The following VWA5B1 variants were observed in gnomAD, a reference collection of about 807,000 sequenced individuals.
The protein encoded by VWA5B1 is von Willebrand factor A domain-containing protein 5B1.
VWA5B1 carries 115 observed loss-of-function variants against 118.2 expected under a neutral mutation model. The observed-to-expected ratio is 0.97, with a 90% CI of 0.84 to 1.14. VWA5B1 has a LOEUF of 1.14. Ranked by LOEUF, VWA5B1 falls within the 50% of genes most tolerant of loss-of-function variation. The pLI is 0.00. For synonymous variants in VWA5B1, 682 were observed against 658.4 expected (o/e 1.04, Z -0.55); for missense variants, 1,596 against 1,603.8 (o/e 1.00, Z 0.08).
Position 20,314,476 on chromosome 1 carries a change from G to A in VWA5B1, c.447G>A (p.Ser149=), listed in dbSNP as rs114916291. Residue 149 remains serine (S), a synonymous_variant, in exon 4 of 22, where the codon TCG becomes TCA. Coordinates refer to ENST00000289815, the MANE Select transcript of VWA5B1 (RefSeq NM_001039500.3). Reference sequence around the variant, plus strand: ...TCACCATCTTCATCAGCACCTCCTCGGAGCTCCCAACGCTGCCCAGCGGGG... The same window carrying A: ...TCACCATCTTCATCAGCACCTCCTCAGAGCTCCCAACGCTGCCCAGCGGGG... ...ENVTIFISTS[S]ELPTLPSGAV... is the part of the protein sequence containing the mutation. 18,955 of 1,551,706 alleles carry A rather than the reference G, an allele frequency of 0.012. 197 individuals are homozygous for A. The highest frequency in any genetic ancestry group is 0.043 in the African/African-American group (3,150 of 73,134).
At chr1:20,334,362 A>T (rs1168266485) in intron 12 of VWA5B1, among the ~76,000 whole-genome samples, 2 of 152,158 alleles carry the variant, frequency 1.3e-5, no homozygotes, top group African/African-American at 4.8e-5. Context: ...ACTAGAAGGG[A>T]CTGGACGCAG....
At chr1:20,302,155 A>T (rs2088520032) in intron 1 of VWA5B1, among the ~76,000 whole-genome samples, 1 of 151,950 alleles carries the variant, frequency 6.6e-6, no homozygotes, top group African/African-American at 2.4e-5. Context: ...GGACATCTCA[A>T]CTGGCTGGAC....
chr1:20,319,089 T>TG (rs2089123669), intron 6 of VWA5B1, among the ~76,000 whole-genome samples: 1 of 152,216 alleles, frequency 6.6e-6, no homozygotes, highest in Non-Finnish European at 1.5e-5. Flanking sequence ...ATTCACAGAA[T>TG]GTCAGGACCT....
chr1:20,350,461 G>A (rs1419020596), intron 19 of VWA5B1, among the ~76,000 whole-genome samples: 1 of 152,162 alleles, frequency 6.6e-6, no homozygotes, highest in Admixed American at 6.5e-5. Context: ...GCTGGGCCTG[G>A]ATCAGGCCTC....
chr1:20,302,859 A>C (rs967105117), intron 1 of VWA5B1, among the ~76,000 whole-genome samples: 1 of 152,198 alleles, frequency 6.6e-6, no homozygotes, highest in Admixed American at 6.5e-5. Context: ...CGGTAGCAGA[A>C]GTCAGCCTTG....
Position 20,324,697 on chromosome 1 carries a change from G to A in VWA5B1, c.1143+1165G>A, listed in dbSNP as rs376921167. Among the ~76,000 whole-genome samples the A allele has an allele frequency of 1.3e-3, 204 of 152,236 alleles. 3 individuals are homozygous for A. In the South Asian group the frequency reaches 0.014, roughly 11 times the overall value. The stretch of plus-strand genomic sequence containing the variant: ...TTCCCAGAGCAAGCTCTTGTTTCCA[G>A]GGCAGCAAGCTCAGCAAGGAGAGGA... On this transcript the variant is annotated intron_variant, in intron 8 of 21. Transcript: ENST00000289815.
intron 1 of VWA5B1, chr1:20,302,965 TG>T: frequency 6.6e-6 from 1 of 152,214 alleles, no homozygotes; most frequent in Non-Finnish European, 1.5e-5. Flanking sequence ...CCGTGTTGGC[TG>T]GATATAGGCC....
intron 6 of VWA5B1, 117 bp from the exon 7 acceptor site, chr1:20,319,265 C>T (rs1452731490): frequency 7.0e-7 from 1 of 1,430,944 alleles, no homozygotes; most frequent in South Asian, 1.4e-5. Context: ...AGGGCTTCCA[C>T]CCCGCTTCCA....
chr1:20,300,323 G>T (rs2088481775), intron 1 of VWA5B1, among the ~76,000 whole-genome samples: 1 of 152,136 alleles, frequency 6.6e-6, no homozygotes, highest in African/African-American at 2.4e-5. Flanking sequence ...CCTGATGTGG[G>T]TTGTCTCTCA....
chr1:20,352,332 C>T (rs2090147369), intron 21 of VWA5B1, among the ~76,000 whole-genome samples, 160 bp downstream of exon 21: 1 of 152,248 alleles, frequency 6.6e-6, no homozygotes, highest in Non-Finnish European at 1.5e-5. Context: ...GAGCTTCCCA[C>T]CCAAGTAGTT....
At chr1:20,351,689 T>A (rs1362640616) in intron 20 of VWA5B1, among the ~76,000 whole-genome samples, 2 of 151,604 alleles carry the variant, frequency 1.3e-5, no homozygotes, top group African/African-American at 4.8e-5. Flanking sequence ...CAGACATGGG[T>A]GTGTGCCTGT....
rs775407884 is a variant in VWA5B1, at chr1:20,330,267, A to T, written c.1342A>T (p.Ile448Phe). 6.4e-7 allele frequency: 1 copy of T among 1,551,756 alleles called. No individual in the cohort carries two copies. The highest frequency in any genetic ancestry group is 8.7e-7 in the Non-Finnish European group (1 of 1,147,022). Residue 448 changes from isoleucine (I) to phenylalanine (F), a missense_variant, in exon 10 of 22, where the codon ATC (isoleucine) becomes TTC (phenylalanine). Physicochemically the swap from Ile to Phe is conservative, Grantham distance 21. Coordinates refer to ENST00000289815, the MANE Select transcript of VWA5B1 (RefSeq NM_001039500.3). ...TNILSPLKWV[I>F]RQPVHRGHPR... is the part of the protein sequence containing the mutation. Reference sequence around the variant, plus strand: ...CATCCTTTCCCCTCTCAAGTGGGTCATCAGGCAGCCAGTGCACCGAGGCCA... The same window carrying T: ...CATCCTTTCCCCTCTCAAGTGGGTCTTCAGGCAGCCAGTGCACCGAGGCCA...
chr1:20,302,103 G>A (rs144166131), intron 1 of VWA5B1, among the ~76,000 whole-genome samples: 17 of 152,168 alleles, frequency 1.1e-4, no homozygotes, highest in Admixed American at 7.8e-4. Flanking sequence ...CCCAGACACC[G>A]TGGTGGCTTG....
At chr1:20,293,295 A>ACTGGCTGG (rs67285359) in intron 1 of VWA5B1, among the ~76,000 whole-genome samples, 110,240 of 151,508 alleles carry the variant, frequency 0.73, 40,582 homozygotes, top group East Asian at 0.94. Flanking sequence ...ACCTTCACTG[A>ACTGGCTGG]CCTCTTGTTA....
chr1:20,328,375 G>A (rs757767420), intron 9 of VWA5B1, among the ~76,000 whole-genome samples: 6 of 152,160 alleles, frequency 3.9e-5, no homozygotes, highest in Non-Finnish European at 8.8e-5. Flanking sequence ...GGAAGCGGCT[G>A]ATAAGGAGTA....
chr1:20,325,115 G>A (rs1360693094), intron 8 of VWA5B1, among the ~76,000 whole-genome samples: 1 of 152,216 alleles, frequency 6.6e-6, no homozygotes, highest in Non-Finnish European at 1.5e-5. Flanking sequence ...AAGAGGCTAA[G>A]TGCTTTTCCC....
chr1:20,327,801 C>T (rs577793463), intron 8 of VWA5B1, 89 bp from the exon 9 acceptor site: 47 of 1,116,156 alleles, frequency 4.2e-5, no homozygotes, highest in East Asian at 2.8e-4. Context: ...GGAGGCTGCT[C>T]GTGTGCTGGG....
chr1:20,318,523 C>T, intron 5 of VWA5B1, 67 bp from the exon 6 acceptor site: 1 of 1,542,786 alleles, frequency 6.5e-7, no homozygotes. Flanking sequence ...CTCGGTGTGC[C>T]CCAGCGAACT....
chr1:20,329,526 C>A (rs924869644), intron 9 of VWA5B1, among the ~76,000 whole-genome samples: 10 of 152,054 alleles, frequency 6.6e-5, no homozygotes, highest in African/African-American at 2.4e-4. Context: ...CCAGGCTGGT[C>A]TCGAATTCCT....
Sources: allele counts gnomAD v4.1 joint callset (sites outside exome capture counted in the v4.1 genomes callset), GRCh38; gene constraint gnomAD v4.1.1; transcripts MANE v1.5; gene names NCBI Gene and HGNC (gene_info 2026-07-23, HGNC 2026-07-21).